WDR36: variants seen among roughly 807,000 people sequenced by gnomAD.
WDR36 encodes the protein WD repeat-containing protein 36.
WDR36 carries 63 observed loss-of-function variants against 112.7 expected under a neutral mutation model. That is an observed-to-expected ratio of 0.56 (90% CI 0.46 to 0.69). The LOEUF is 0.69. WDR36 is among the 30% of genes least tolerant of loss of function. WDR36 has a pLI of 0.00. For synonymous variants in WDR36, 410 were observed against 362.2 expected (o/e 1.13, Z -1.50); for missense variants, 1,226 against 1,070.3 (o/e 1.15, Z -2.03).
Position 111,126,719 on chromosome 5 carries a change from T to C in WDR36, c.2539-15T>C, listed in dbSNP as rs752208289. The stretch of plus-strand genomic sequence containing the variant: ...AATTTTCTTAAATGTTCAATCATCA[T>C]ATTTTTCTTTGCAGTTACACCTTAA... On this transcript the variant is annotated splice_polypyrimidine_tract_variant and intron_variant, in intron 22 of 22. Coordinates refer to ENST00000513710, the MANE Select transcript of WDR36 (RefSeq NM_139281.3). 6.2e-7 allele frequency: 1 copy of C among 1,612,766 alleles called. No individual in the cohort carries two copies. The highest frequency in any genetic ancestry group is 8.5e-7 in the Non-Finnish European group (1 of 1,179,122).
intron 19 of WDR36, among the ~76,000 whole-genome samples, chr5:111,123,050 A>G (rs2112590575): frequency 6.6e-6 from 1 of 152,212 alleles, no homozygotes; most frequent in South Asian, 2.1e-4. Context: ...CGGAGGTTGC[A>G]GTGAGCTGAG....
intron 4 of WDR36, among the ~76,000 whole-genome samples, chr5:111,100,363 AG>A (rs1753098454): frequency 6.6e-6 from 1 of 151,868 alleles, no homozygotes; most frequent in African/African-American, 2.4e-5. Context: ...TATTTTTATT[AG>A]AAGTTACAGA....
At chr5:111,104,919 C>G in intron 9 of WDR36, 102 bp downstream of exon 9, 1 of 1,548,678 alleles carries the variant, frequency 6.5e-7, no homozygotes, top group Admixed American at 1.7e-5. Context: ...TCACATATCT[C>G]TTTGAGTGAC....
Position 111,098,938 on chromosome 5 carries a change from A to G in WDR36, c.409+99A>G. 3.6e-6 allele frequency: 3 copies of G among 844,838 alleles called. No individual in the cohort carries two copies. In the South Asian group the frequency reaches 4.5e-5, roughly 13 times the overall value. 52.3% of individuals were successfully genotyped at this position (844,838 alleles called of 1,614,324 possible). On this transcript the variant is annotated intron_variant, in intron 4 of 22. Coordinates refer to ENST00000513710, the MANE Select transcript of WDR36 (RefSeq NM_139281.3). ...CATCTATGCCAGAGATTTTGCCTGT[A>G]AATAGTAAGAAATTAAAAAAATCAA...
At chr5:111,116,953 A>C (rs1753468927) in intron 16 of WDR36, among the ~76,000 whole-genome samples, 1 of 152,232 alleles carries the variant, frequency 6.6e-6, no homozygotes, top group Non-Finnish European at 1.5e-5. Flanking sequence ...AGACAAAGGA[A>C]ATACCTTAAG....
intron 1 of WDR36, 86 bp from the exon 2 acceptor site, chr5:111,094,834 A>G (rs1035141526): frequency 2.8e-6 from 3 of 1,082,596 alleles, no homozygotes; most frequent in African/African-American, 1.6e-5. Context: ...AAATATACGT[A>G]TGAGGTTATA....
Position 111,105,373 on chromosome 5 carries a change from C to T in WDR36, c.1093+13C>T, listed in dbSNP as rs1194608393. On this transcript the variant is annotated intron_variant, in intron 10 of 22. Coordinates refer to ENST00000513710, the MANE Select transcript of WDR36 (RefSeq NM_139281.3). ...AGCTTGGGACATGGTAGGTCCTCTACAAGACAAAATAAGCTGGTCACGAAA... is the reference window on the plus strand; with the variant it reads ...AGCTTGGGACATGGTAGGTCCTCTATAAGACAAAATAAGCTGGTCACGAAA... 3 of 1,606,732 alleles carry T rather than the reference C, an allele frequency of 1.9e-6. No individual in the cohort carries two copies. The highest frequency in any genetic ancestry group is 8.5e-7 in the Non-Finnish European group (1 of 1,174,548).
intron 3 of WDR36, 54 bp downstream of exon 3, chr5:111,097,233 T>A: frequency 7.8e-7 from 1 of 1,288,278 alleles, no homozygotes; most frequent in South Asian, 1.2e-5. Context: ...GTCATGATAG[T>A]GGAGGGAACT....
chr5:111,115,139 C>T (rs1447295710), intron 16 of WDR36, among the ~76,000 whole-genome samples: 1 of 152,014 alleles, frequency 6.6e-6, no homozygotes, highest in Non-Finnish European at 1.5e-5. Context: ...GGGTGTAGCA[C>T]AAGAGCAAGA....
At chr5:111,104,615 T>A in intron 8 of WDR36, 82 bp from the exon 9 acceptor site, 1 of 1,596,974 alleles carries the variant, frequency 6.3e-7, no homozygotes, top group Non-Finnish European at 8.6e-7. Context: ...TCAATACCAG[T>A]TGATTTATGT....
rs1181795673 is a variant in WDR36, at chr5:111,125,680, C to G, written c.2423C>G (p.Pro808Arg). 1 of 1,613,730 alleles carries G rather than the reference C, an allele frequency of 6.2e-7. No individual in the cohort carries two copies. Among genetic ancestry groups the G allele is most frequent in the African/African-American group, 1.3e-5 (1 of 74,902 alleles). ...GIETELRSLS[P>R]DCGGSIEVMQ... Reference sequence around the variant, plus strand: ...GAAACAGAGCTGCGAAGCTTGTCTCCTGATTGTGGTGGGTCCATAGAAGTT... The same window carrying G: ...GAAACAGAGCTGCGAAGCTTGTCTCGTGATTGTGGTGGGTCCATAGAAGTT... The change falls in exon 22 of 23, where the codon CCT becomes CGT. Residue 808 changes from proline to arginine, a missense_variant. By Grantham distance (103) the Pro-to-Arg change is moderately radical. Transcript: ENST00000513710.
At chr5:111,117,223 C>T (rs1753473326) in intron 16 of WDR36, among the ~76,000 whole-genome samples, 1 of 152,170 alleles carries the variant, frequency 6.6e-6, no homozygotes, top group South Asian at 2.1e-4. Flanking sequence ...AAACAGCAGT[C>T]CTTTTCCTGA....
At chr5:111,113,289 A>C in intron 16 of WDR36, 136 bp downstream of exon 16, 1 of 440,072 alleles carries the variant, frequency 2.3e-6, no homozygotes, top group Non-Finnish European at 4.3e-6. Context: ...TGACATGACT[A>C]TATTGTATCC....
At position 111,113,052 on chromosome 5, in the gene WDR36, A is replaced by ATT. The variant is rs201180028; in HGVS notation, c.1717-11_1717-10dup. 8.6e-4 allele frequency: 409 copies of ATT among 473,456 alleles called. 2 individuals carry two copies. The highest frequency in any genetic ancestry group is 2.6e-3 in the African/African-American group (103 of 38,928). 29.3% of individuals were successfully genotyped at this position (473,456 alleles called of 1,614,324 possible). ...ATATAAATAATATATATATATATAT[A>ATT]TTTTTTTTTTTTAATTTAAAGGCTT... is the stretch of plus-strand genomic sequence containing the variant. On this transcript the variant is annotated intron_variant, in intron 15 of 22. Coordinates refer to ENST00000513710, the MANE Select transcript of WDR36 (RefSeq NM_139281.3).
intron 6 of WDR36, among the ~76,000 whole-genome samples, chr5:111,102,896 C>T (rs544390751): frequency 1.4e-4 from 21 of 151,604 alleles, no homozygotes; most frequent in African/African-American, 4.3e-4. Context: ...ATGTCTACAG[C>T]GAATCTTGTG....
Position 111,098,774 on chromosome 5 carries a change from T to C in WDR36, c.344T>C (p.Phe115Ser). Reference protein sequence around the residue: ...HKAEIHFLQPFGDHIISVDTD... With the variant: ...HKAEIHFLQPSGDHIISVDTD... ...GCAGAAATCCATTTCTTGCAACCCT[T>C]TGGAGACCACATTATCTCTGTTGAT... The change falls in exon 4 of 23, where the codon TTT (phenylalanine) becomes TCT (serine). Residue 115 changes from phenylalanine (F) to serine (S), a missense_variant. By Grantham distance (155) the Phe-to-Ser change is radical (BLOSUM62 -2). Coordinates refer to ENST00000513710, the MANE Select transcript of WDR36 (RefSeq NM_139281.3). The C allele has an allele frequency of 1.2e-6, 2 of 1,613,158 alleles. No individual in the cohort carries two copies. Among genetic ancestry groups the C allele is most frequent in the Non-Finnish European group, 8.5e-7 (1 of 1,179,306 alleles).
chr5:111,125,926 A>G, intron 22 of WDR36, 131 bp downstream of exon 22: 1 of 829,440 alleles, frequency 1.2e-6, no homozygotes, highest in Non-Finnish European at 2.0e-6. Context: ...TGCCACATGT[A>G]GCTATTGAGT....
chr5:111,125,547 C>A, intron 21 of WDR36, 61 bp from the exon 22 acceptor site: 1 of 1,519,018 alleles, frequency 6.6e-7, no homozygotes, highest in Non-Finnish European at 9.0e-7. Context: ...AAAAGGAAAA[C>A]TGTAATTTTC....
rs1320215594 is a variant in WDR36, at chr5:111,092,555, C to T, written c.99C>T (p.Phe33=). The T allele has an allele frequency of 6.2e-7, 1 of 1,614,104 alleles. No individual in the cohort carries two copies. The highest frequency in any genetic ancestry group is 1.7e-5 in the Admixed American group (1 of 60,008). ...ACGACATTCCACACGTGGTGCGGTT[C>T]AGCGCGCTCAAGCGCCGGTTCTATG... ...FSNDIPHVVR[F]SALKRRFYVT... The change falls in exon 1 of 23, where the codon TTC becomes TTT. Residue 33 remains phenylalanine, a synonymous_variant. Coordinates refer to ENST00000513710, the MANE Select transcript of WDR36 (RefSeq NM_139281.3).
Sources: allele counts gnomAD v4.1 joint callset (sites outside exome capture counted in the v4.1 genomes callset), GRCh38; gene constraint gnomAD v4.1.1; transcripts MANE v1.5; gene names NCBI Gene and HGNC (gene_info 2026-07-23, HGNC 2026-07-21).